DDX54: variants seen among roughly 807,000 people sequenced by gnomAD.
The protein encoded by DDX54 is ATP-dependent RNA helicase DDX54.
In DDX54, 67 loss-of-function variants were observed where a neutral mutation model predicts 105.5. The observed-to-expected ratio is 0.64, with a 90% CI of 0.52 to 0.78. DDX54 has a LOEUF of 0.78. Ranked by LOEUF, DDX54 falls within the 30% of genes least tolerant of loss-of-function variation. DDX54 has a pLI of 0.00. For missense variants in DDX54, 1,206 were observed against 1,230.5 expected, an observed-to-expected ratio of 0.98 and a Z score of 0.30; for synonymous variants, 514 against 509.9, an observed-to-expected ratio of 1.01 and a Z score of -0.11.
chr12:113,183,746 TG>T (rs1952492143), intron 1 of DDX54: 1 of 152,202 alleles, frequency 6.6e-6, no homozygotes, highest in South Asian at 2.1e-4. Context: ...TTGGTCAAGC[TG>T]CTTTCTCTCT....
chr12:113,161,750 T>A, intron 18 of DDX54, 143 bp downstream of exon 18: 1 of 589,238 alleles, frequency 1.7e-6, no homozygotes, highest in Non-Finnish European at 2.8e-6. Flanking sequence ...AGGTCCCATC[T>A]ATTGGAGATG....
chr12:113,174,294 C>T (rs1009347052), intron 10 of DDX54, among the ~76,000 whole-genome samples: 7 of 151,902 alleles, frequency 4.6e-5, no homozygotes, highest in African/African-American at 1.5e-4. Context: ...CTTGGGCAAC[C>T]GAGTGAGAAC....
Position 113,157,495 on chromosome 12 carries a change from G to A in DDX54, c.*1382C>T, listed in dbSNP as rs1952142930. ...CATCATCACTGTTCTTTTAATGAGG[G>A]GATCTCCAGTCCCCGCCCTACCTTT... On this transcript the variant is annotated 3_prime_UTR_variant, in exon 20 of 20. Coordinates refer to ENST00000306014, the MANE Select transcript of DDX54 (RefSeq NM_024072.4). 3.7e-6 allele frequency: 3 copies of A among 812,784 alleles called. No homozygotes were observed. The East Asian group carries it at 8.0e-5, about 22-fold the overall frequency. The allele number at this position is 812,784 out of a possible 1,614,324, so 50.3% of individuals were successfully genotyped here.
intron 2 of DDX54, 132 bp downstream of exon 2, chr12:113,180,797 G>T: frequency 1.4e-6 from 2 of 1,450,078 alleles, no homozygotes; most frequent in Non-Finnish European, 1.9e-6. Flanking sequence ...ATGACTGGAG[G>T]ACCACATCTG....
chr12:113,157,572 G>A lies in DDX54; in HGVS notation c.*1305C>T, dbSNP rs575422183. 21 of 1,546,244 alleles carry A rather than the reference G, an allele frequency of 1.4e-5. No homozygotes were observed. The African/African-American group carries it at 2.5e-4, about 18-fold the overall frequency. ...GGGGCTGGACAGTGACTCTGGGGCT[G>A]GGATGTGACTTCGTGCTGGGCCCCC... On this transcript the variant is annotated 3_prime_UTR_variant, in exon 20 of 20. Transcript: ENST00000306014.
chr12:113,169,627 TAAACAAAAC>T, intron 12 of DDX54, 134 bp downstream of exon 12: 1 of 1,155,844 alleles, frequency 8.7e-7, no homozygotes, highest in Non-Finnish European at 1.2e-6. Flanking sequence ...TCTCAAAAAA[TAAACAAAAC>T]AAATAAAATA....
At chr12:113,184,927 C>T (rs1593012567) in intron 1 of DDX54, among the ~76,000 whole-genome samples, 1 of 152,362 alleles carries the variant, frequency 6.6e-6, no homozygotes, top group South Asian at 2.1e-4. Flanking sequence ...CAAGAACGCT[C>T]CAAACTCTCA....
At chr12:113,170,413 GGAGAATCACTT>G (rs1400628882) in intron 11 of DDX54, among the ~76,000 whole-genome samples, 1 of 152,218 alleles carries the variant, frequency 6.6e-6, no homozygotes, top group Non-Finnish European at 1.5e-5. Flanking sequence ...GGCTGAGGTG[GGAGAATCACTT>G]GAGGCCAGGA....
At chr12:113,179,361 T>A in intron 3 of DDX54, 30 bp from the exon 4 acceptor site, 2 of 1,605,006 alleles carry the variant, frequency 1.2e-6, no homozygotes, top group Non-Finnish European at 1.7e-6. Context: ...GAAGTCAAGG[T>A]CAGCTCCTCC....
At chr12:113,180,257 G>A (rs1952451269) in intron 2 of DDX54, among the ~76,000 whole-genome samples, 1 of 152,176 alleles carries the variant, frequency 6.6e-6, no homozygotes, top group Admixed American at 6.5e-5. Flanking sequence ...GAACACTAAC[G>A]GGGTCTTAGG....
chr12:113,165,714 G>T lies in DDX54; in HGVS notation c.1649C>A (p.Ser550Ter). The change falls in exon 14 of 20, where the codon TCG (serine) becomes TAG (stop). Residue 550 changes from serine (S) to a stop codon, truncating the protein, a stop_gained. Transcript: ENST00000306014. LOFTEE classifies it high-confidence loss of function. ...CTGCAGCTCCTCCTCCTCAAAACGC[G>T]AGCCTGGTAGGAAAGCAGCAAGGTG... The part of the protein sequence containing the change: ...VGLGLHPLFS[S>*]RFEEEELQRL... 6.2e-7 allele frequency: 1 copy of T among 1,613,238 alleles called. No homozygotes were observed. Among genetic ancestry groups the T allele is most frequent in the Non-Finnish European group, 8.5e-7 (1 of 1,179,596 alleles).
rs763428872 is a variant in DDX54, at chr12:113,165,965, A to C, written c.1482T>G (p.Gly494=). 6.2e-7 allele frequency: 1 copy of C among 1,613,314 alleles called. No individual in the cohort carries two copies. Among genetic ancestry groups the C allele is most frequent in the Non-Finnish European group, 8.5e-7 (1 of 1,180,002 alleles). The change falls in exon 13 of 20, where the codon GGT becomes GGG. Residue 494 remains glycine (G), a synonymous_variant. Transcript: ENST00000306014. The part of the protein sequence containing the change: ...PQSVVDEEDS[G]LQSTLEASLE... ...GCGATGCCTCCAGGGTGCTCTGCAG[A>C]CCACTGTCCTCCTCGTCCACCACAC...
chr12:113,158,984 G>C lies in DDX54; in HGVS notation c.2539C>G (p.Leu847Val). Reference protein sequence around the residue: ...QKLHFLQRGGLKQLSARNRRR... With the variant: ...QKLHFLQRGGVKQLSARNRRR... Reference sequence around the variant, plus strand: ...CGGTTGCGGGCAGAGAGCTGCTTGAGGCCACCACGCTGCAGGAAGTGCAGC... The same window carrying C: ...CGGTTGCGGGCAGAGAGCTGCTTGACGCCACCACGCTGCAGGAAGTGCAGC... Residue 847 changes from leucine to valine, a missense_variant, in exon 20 of 20, where the codon CTC becomes GTC. By Grantham distance (32) the Leu-to-Val change is conservative. Coordinates refer to ENST00000306014, the MANE Select transcript of DDX54 (RefSeq NM_024072.4). The surrounding 1 kb of genome is among the most constrained non-coding windows in gnomAD (Gnocchi z 4.9). 4 of 1,611,372 alleles carry C rather than the reference G, an allele frequency of 2.5e-6. No homozygotes were observed. The highest frequency in any genetic ancestry group is 2.5e-6 in the Non-Finnish European group (3 of 1,179,174).
intron 1 of DDX54, among the ~76,000 whole-genome samples, chr12:113,185,040 G>C (rs1487292333): frequency 6.6e-6 from 1 of 152,192 alleles, no homozygotes; most frequent in East Asian, 1.9e-4. Flanking sequence ...CCAAAACCCG[G>C]CAGGAAGGCC....
intron 3 of DDX54, among the ~76,000 whole-genome samples, 159 bp downstream of exon 3, chr12:113,179,776 C>T (rs554453703): frequency 3.3e-5 from 5 of 152,336 alleles, no homozygotes; most frequent in Non-Finnish European, 5.9e-5. Context: ...TCGGCCCAAC[C>T]TTCTCCACCT....
At position 113,179,161 on chromosome 12, in the gene DDX54, G is replaced by A; in HGVS notation, c.546C>T (p.Thr182=). ...GACACACCTCCTTAGTGAACTTCAG[G>A]GTCTGCAGGGCCAGCTCTCGGGTCG... ...LSPTRELALQ[T]LKFTKELGKF... Residue 182 remains threonine, a synonymous_variant, in exon 4 of 20, where the codon ACC becomes ACT. Coordinates refer to ENST00000306014, the MANE Select transcript of DDX54 (RefSeq NM_024072.4). 6.2e-7 allele frequency: 1 copy of A among 1,614,046 alleles called. No individual in the cohort carries two copies. The highest frequency in any genetic ancestry group is 8.5e-7 in the Non-Finnish European group (1 of 1,179,994).
chr12:113,180,843 G>A, intron 2 of DDX54, 86 bp downstream of exon 2: 2 of 1,590,534 alleles, frequency 1.3e-6, no homozygotes, highest in Non-Finnish European at 1.7e-6. Context: ...GCTGGGCCCA[G>A]AGTGGACATC....
Position 113,165,903 on chromosome 12 carries a change from G to T in DDX54, c.1544C>A (p.Ala515Asp), listed in dbSNP as rs781209268. Reference protein sequence around the residue: ...LRGLARVADNAQQQYVRSRPA... With the variant: ...LRGLARVADNDQQQYVRSRPA... ...GCGTGAGCGCACATACTGCTGCTGGGCGTTATCAGCAACGCGGGCCAGGCC... is the reference window on the plus strand; with the variant it reads ...GCGTGAGCGCACATACTGCTGCTGGTCGTTATCAGCAACGCGGGCCAGGCC... The change falls in exon 13 of 20, where the codon GCC (alanine) becomes GAC (aspartate). Residue 515 changes from alanine to aspartate, a missense_variant. By Grantham distance (126) the Ala-to-Asp change is moderately radical. Around this residue, in one of 3 missense-constraint regions of DDX54, gnomAD observed 961 missense variants for 1,019.1 expected, o/e 0.94. Transcript: ENST00000306014. The T allele has an allele frequency of 6.2e-7, 1 of 1,613,800 alleles. No homozygotes were observed. Among genetic ancestry groups the T allele is most frequent in the Non-Finnish European group, 8.5e-7 (1 of 1,180,026 alleles).
At chr12:113,161,452 C>T in intron 18 of DDX54, 70 bp from the exon 19 acceptor site, 2 of 1,255,278 alleles carry the variant, frequency 1.6e-6, no homozygotes, top group Non-Finnish European at 2.3e-6. Context: ...CACACTGCCC[C>T]AGCAGACAGA....
Sources: allele counts gnomAD v4.1 joint callset (sites outside exome capture counted in the v4.1 genomes callset), GRCh38; gene constraint gnomAD v4.1.1; regional missense constraint gnomAD v4.1.1; non-coding constraint Gnocchi (gnomAD v3.1); transcripts MANE v1.5; gene names NCBI Gene and HGNC (gene_info 2026-07-23, HGNC 2026-07-21).